The following PTPRG variants were observed in gnomAD, a reference collection of about 807,000 sequenced individuals.
PTPRG encodes protein tyrosine phosphatase receptor type G, also known as receptor-type tyrosine-protein phosphatase gamma.
Under a neutral mutation model 165.3 loss-of-function variants are expected in PTPRG, and 102 were observed. The ratio of observed to expected loss-of-function variants is 0.62; its 90% CI spans 0.53 to 0.73. The LOEUF (loss-of-function observed/expected upper bound fraction) is 0.73. Among genes scored for constraint, PTPRG ranks in the 30% least tolerant of loss-of-function variants. The pLI is 0.00. For synonymous variants in PTPRG, 675 were observed against 669.5 expected, an observed-to-expected ratio of 1.01 and a Z score of -0.13; for missense variants, 1,866 against 1,861.4, an observed-to-expected ratio of 1.00 and a Z score of -0.05.
At chr3:62,243,699 G>T (rs754191874) in intron 14 of PTPRG, 108 bp from the exon 15 acceptor site, 3 of 696,688 alleles carry the variant, frequency 4.3e-6, no homozygotes, top group South Asian at 2.2e-5. Flanking sequence ...TACCCTCAGT[G>T]CTGTGTGATG....
In PTPRG at chr3:61,993,105, G is replaced by A. The variant is rs182080541; in HGVS notation, c.370+3301G>A. ...ATATTAGTGCAGGCTAAATTAGGGT[G>A]GGGTTGATAATTTCCACATTGAATA... On this transcript the variant is annotated intron_variant, in intron 3 of 29. Transcript: ENST00000474889. Among the ~76,000 whole-genome samples, 276 of 151,514 alleles carry A rather than the reference G, an allele frequency of 1.8e-3. 2 individuals carry two copies. The highest frequency in any genetic ancestry group is 6.6e-3 in the African/African-American group (272 of 41,306).
At chr3:61,593,708 GAAAA>G (rs751784249) in intron 1 of PTPRG, among the ~76,000 whole-genome samples, 4 of 38,456 alleles carry the variant, frequency 1.0e-4, no homozygotes, top group East Asian at 4.4e-4. Context: ...AGGAAAACTG[GAAAA>G]AAAAAAAAAA....
In PTPRG at chr3:61,791,992, A is replaced by G. The variant is rs181101459; in HGVS notation, c.190+43010A>G. On this transcript the variant is annotated intron_variant, in intron 2 of 29. Transcript: ENST00000474889. ...AGGCAGAAAAGTACATGTTTAATGC[A>G]TCTTCCTGTAGAATCTTTAGTTCTA... Among the ~76,000 whole-genome samples, 177 of 152,332 alleles carry G rather than the reference A, an allele frequency of 1.2e-3. 1 individual carries two copies. Among genetic ancestry groups the G allele is most frequent in the Non-Finnish European group, 1.1e-3 (74 of 68,032 alleles).
At chr3:61,584,093 C>T (rs1244193808) in intron 1 of PTPRG, among the ~76,000 whole-genome samples, 2 of 152,120 alleles carry the variant, frequency 1.3e-5, no homozygotes, top group Admixed American at 6.5e-5. Context: ...AATCTGAGGA[C>T]TTTTATTTTG....
chr3:62,151,922 G>A (rs1440974148), intron 6 of PTPRG, among the ~76,000 whole-genome samples: 1 of 152,104 alleles, frequency 6.6e-6, no homozygotes, highest in African/African-American at 2.4e-5. Context: ...TGTAATGTCA[G>A]TGTTATTATC....
At chr3:61,657,122 A>AG (rs149269341) in intron 1 of PTPRG, among the ~76,000 whole-genome samples, 1,914 of 152,322 alleles carry the variant, frequency 0.013, 22 homozygotes, top group African/African-American at 0.041. Flanking sequence ...GTGGTGCCAA[A>AG]GTATGATTGG....
At chr3:61,762,858 C>T (rs2033898975) in intron 2 of PTPRG, among the ~76,000 whole-genome samples, 1 of 151,990 alleles carries the variant, frequency 6.6e-6, no homozygotes, top group African/African-American at 2.4e-5. Flanking sequence ...TAAGGTACAC[C>T]CCATGTTGTT....
intron 1 of PTPRG, among the ~76,000 whole-genome samples, chr3:61,666,373 C>T (rs1448580046): frequency 1.3e-5 from 2 of 152,208 alleles, no homozygotes; most frequent in East Asian, 1.9e-4. Flanking sequence ...GTTAAACTTA[C>T]CAGTCTTCAT....
chr3:61,841,103 T>C (rs1265392444), intron 2 of PTPRG, among the ~76,000 whole-genome samples: 2 of 152,172 alleles, frequency 1.3e-5, no homozygotes, highest in Non-Finnish European at 2.9e-5. Context: ...ATCTTAATAA[T>C]GCCCTTTTCC....
intron 1 of PTPRG, among the ~76,000 whole-genome samples, chr3:61,738,298 A>ATGTATATATATATGTG (rs1223629002): frequency 8.3e-5 from 4 of 48,212 alleles, no homozygotes; most frequent in East Asian, 3.0e-4. Flanking sequence ...ATATATATAT[A>ATGTATATATATATGTG]TATATATATA....
At chr3:61,731,158 T>C (rs929740667) in intron 1 of PTPRG, among the ~76,000 whole-genome samples, 12 of 152,152 alleles carry the variant, frequency 7.9e-5, no homozygotes, top group African/African-American at 2.7e-4. Flanking sequence ...AAATAGTTTT[T>C]ACCCCCGTTG....
chr3:62,055,590 G>A (rs1463215711), intron 4 of PTPRG, among the ~76,000 whole-genome samples: 1 of 152,186 alleles, frequency 6.6e-6, no homozygotes, highest in African/African-American at 2.4e-5. Context: ...TAGAACAGCA[G>A]ATATTTGTTG....
intron 2 of PTPRG, 111 bp downstream of exon 2, chr3:61,749,093 C>A: frequency 2.2e-6 from 2 of 900,254 alleles, no homozygotes; most frequent in South Asian, 1.4e-5. Context: ...TTGCTCAAAT[C>A]TTTCGTAGTT....
At chr3:61,633,334 C>T (rs967868788) in intron 1 of PTPRG, among the ~76,000 whole-genome samples, 1 of 151,836 alleles carries the variant, frequency 6.6e-6, no homozygotes, top group Non-Finnish European at 1.5e-5. Flanking sequence ...AATAAAGGAA[C>T]CTGTAGTAGC....
At chr3:62,048,322 T>C (rs1389757032) in intron 4 of PTPRG, among the ~76,000 whole-genome samples, 1 of 152,364 alleles carries the variant, frequency 6.6e-6, no homozygotes, top group South Asian at 2.1e-4. Context: ...ACCTGCTTGC[T>C]TGACAGTTTA....
intron 2 of PTPRG, among the ~76,000 whole-genome samples, chr3:61,853,185 A>AGG (rs1004436361): frequency 3.3e-5 from 5 of 152,180 alleles, no homozygotes; most frequent in African/African-American, 1.2e-4. Flanking sequence ...AAAGCAGGGA[A>AGG]GGGGGGTTTG....
At chr3:62,096,281 G>A (rs113023157) in intron 5 of PTPRG, among the ~76,000 whole-genome samples, 27 of 152,256 alleles carry the variant, frequency 1.8e-4, no homozygotes, top group Admixed American at 3.3e-4. Flanking sequence ...TGAAAATAAC[G>A]CTTCTGGAGG....
At chr3:61,654,199 G>A (rs1164487579) in intron 1 of PTPRG, among the ~76,000 whole-genome samples, 1 of 152,064 alleles carries the variant, frequency 6.6e-6, no homozygotes, top group Non-Finnish European at 1.5e-5. Flanking sequence ...AAGAGAATGG[G>A]GCTGCTCTTG....
intron 2 of PTPRG, among the ~76,000 whole-genome samples, chr3:61,858,780 T>C (rs2037182717): frequency 6.6e-6 from 1 of 152,212 alleles, no homozygotes; most frequent in African/African-American, 2.4e-5. Flanking sequence ...CTTTTAATTA[T>C]GATGCCTCAG....
Sources: allele counts gnomAD v4.1 joint callset (sites outside exome capture counted in the v4.1 genomes callset), GRCh38; gene constraint gnomAD v4.1.1; transcripts MANE v1.5; gene names NCBI Gene and HGNC (gene_info 2026-07-23, HGNC 2026-07-21).